FLYWCH2: variants seen among roughly 807,000 people sequenced by gnomAD.
FLYWCH2 encodes the protein FLYWCH family member 2.
In FLYWCH2, 2 loss-of-function variants were observed where a neutral mutation model predicts 6.0. The ratio of observed to expected loss-of-function variants is 0.33; its 90% CI spans 0.14 to 1.04. The LOEUF is 1.04. Among genes scored for constraint, FLYWCH2 ranks in the 50% least tolerant of loss-of-function variants. FLYWCH2 has a pLI of 0.45. For synonymous variants in FLYWCH2, 87 were observed against 79.3 expected (o/e 1.10, Z -0.52); for missense variants, 192 against 183.4 (o/e 1.05, Z -0.27).
At chr16:2,885,128 C>A (rs939128970) in intron 1 of FLYWCH2, among the ~76,000 whole-genome samples, 1 of 152,136 alleles carries the variant, frequency 6.6e-6, no homozygotes, top group Non-Finnish European at 1.5e-5. Context: ...CGAGACCATC[C>A]TGGCTAACAC....
At chr16:2,894,066 G>GCTTT (rs2069790437) in intron 1 of FLYWCH2, among the ~76,000 whole-genome samples, 3 of 152,076 alleles carry the variant, frequency 2.0e-5, no homozygotes, top group Non-Finnish European at 2.9e-5. Flanking sequence ...GTCATTGAAA[G>GCTTT]CAATGGCAAA....
chr16:2,889,545 C>T (rs1051125467), intron 1 of FLYWCH2, among the ~76,000 whole-genome samples: 13 of 70,274 alleles, frequency 1.8e-4, no homozygotes, highest in African/African-American at 4.5e-4. Flanking sequence ...CTAGGAAAGA[C>T]TATATTAAAA....
In FLYWCH2 at chr16:2,896,686, C is replaced by T. The variant is rs778234048; in HGVS notation, c.237C>T (p.Ala79=). Residue 79 remains alanine (A), a synonymous_variant, in exon 3 of 4, where the codon GCC becomes GCT. Coordinates refer to ENST00000396958, the MANE Select transcript of FLYWCH2 (RefSeq NM_138439.3). ...CCGGCCCCGCCACCCTTGCCAAGGC[C>T]CTCCTCCAGACCCACCCCGAGGCCC... ...GVPGPATLAK[A]LLQTHPEAQR... is the part of the protein sequence containing the mutation. The T allele has an allele frequency of 1.9e-6, 3 of 1,613,092 alleles. No homozygotes were observed. The South Asian group carries it at 3.3e-5, about 18-fold the overall frequency.
At chr16:2,896,941 C>T (rs556115170) in intron 3 of FLYWCH2, 170 bp downstream of exon 3, 20 of 668,104 alleles carry the variant, frequency 3.0e-5, no homozygotes, top group Middle Eastern at 4.2e-4. Context: ...CCTGGGCATC[C>T]GCCGACCTCC....
intron 1 of FLYWCH2, among the ~76,000 whole-genome samples, chr16:2,888,378 T>C (rs542394105): frequency 1.3e-5 from 2 of 150,932 alleles, no homozygotes; most frequent in African/African-American, 4.9e-5. Flanking sequence ...TATTTTGAGA[T>C]AGAGATGTGT....
chr16:2,895,511 AGGTTGAG>A (rs1268912521), intron 2 of FLYWCH2, among the ~76,000 whole-genome samples, 191 bp downstream of exon 2: 1 of 152,158 alleles, frequency 6.6e-6, no homozygotes, highest in Non-Finnish European at 1.5e-5. Context: ...CTACTCGGAG[AGGTTGAG>A]GCAGGAGAAT....
chr16:2,893,635 T>C (rs894243767), intron 1 of FLYWCH2, among the ~76,000 whole-genome samples: 3 of 40,204 alleles, frequency 7.5e-5, no homozygotes, highest in Non-Finnish European at 5.9e-5. Context: ...TCTTTTCTTC[T>C]TTTTTTTTTT....
At position 2,896,324 on chromosome 16, in the gene FLYWCH2, A is replaced by C. The variant is rs111441980; in HGVS notation, c.-98-28A>C. 5.2e-5 allele frequency: 66 copies of C among 1,260,710 alleles called. No homozygotes were observed. In the East Asian group the frequency reaches 1.2e-3, roughly 23 times the overall value. The allele number at this position is 1,260,710 out of a possible 1,614,324, so 78.1% of individuals were successfully genotyped here. ...CTAGAGCCTCCCAAGGGCTTCCACCACTGACGGGATTTTGCTTCCTTCCTT... is the reference window on the plus strand; with the variant it reads ...CTAGAGCCTCCCAAGGGCTTCCACCCCTGACGGGATTTTGCTTCCTTCCTT... On this transcript the variant is annotated intron_variant, in intron 2 of 3. Coordinates refer to ENST00000396958, the MANE Select transcript of FLYWCH2 (RefSeq NM_138439.3).
At chr16:2,896,870 G>T in intron 3 of FLYWCH2, 99 bp downstream of exon 3, 1 of 1,173,520 alleles carries the variant, frequency 8.5e-7, no homozygotes. Context: ...TGGCATGCGG[G>T]TCCTTGTTCC....
intron 1 of FLYWCH2, among the ~76,000 whole-genome samples, chr16:2,888,952 G>A (rs1015080571): frequency 6.6e-6 from 1 of 152,058 alleles, no homozygotes; most frequent in Non-Finnish European, 1.5e-5. Context: ...GGGACTAATT[G>A]TAGAAAAGAA....
At chr16:2,887,389 G>A (rs183801689) in intron 1 of FLYWCH2, among the ~76,000 whole-genome samples, 1 of 144,048 alleles carries the variant, frequency 6.9e-6, no homozygotes, top group African/African-American at 2.6e-5. Context: ...CTGAACTCCC[G>A]AGCTGAAGAG....
chr16:2,884,558 T>TAAAAA (rs1317315836), intron 1 of FLYWCH2, among the ~76,000 whole-genome samples: 499 of 39,238 alleles, frequency 0.013, 40 homozygotes, highest in South Asian at 0.073. Flanking sequence ...CCGTCTCTAC[T>TAAAAA]AAAAAAAAAA....
At chr16:2,898,527 G>C (rs2069847980) in intron 3 of FLYWCH2, among the ~76,000 whole-genome samples, 1 of 152,186 alleles carries the variant, frequency 6.6e-6, no homozygotes, top group Non-Finnish European at 1.5e-5. Context: ...CTCAGGATCT[G>C]TTACACCTGA....
chr16:2,884,899 C>A (rs188482507), intron 1 of FLYWCH2, among the ~76,000 whole-genome samples: 1 of 150,350 alleles, frequency 6.7e-6, no homozygotes, highest in Non-Finnish European at 1.5e-5. Context: ...AAAAAAAACT[C>A]CGGGTGATTC....
intron 1 of FLYWCH2, among the ~76,000 whole-genome samples, chr16:2,884,285 G>A (rs562771784): frequency 6.6e-6 from 1 of 152,206 alleles, no homozygotes; most frequent in South Asian, 2.1e-4. Flanking sequence ...GGACATTAGT[G>A]ATGTTTCTCC....
Position 2,895,483 on chromosome 16 carries a change from G to A in FLYWCH2, c.-99+163G>A, listed in dbSNP as rs1260656535. On this transcript the variant is annotated intron_variant, in intron 2 of 3. Coordinates refer to ENST00000396958, the MANE Select transcript of FLYWCH2 (RefSeq NM_138439.3). Reference sequence around the variant, plus strand: ...CAAAAAATTAGCCGGGCGTGGTGGCGGGCGCCTGTAGTCCCAGCTACTCGG... The same window carrying A: ...CAAAAAATTAGCCGGGCGTGGTGGCAGGCGCCTGTAGTCCCAGCTACTCGG... Among the ~76,000 whole-genome samples, 6 of 152,188 alleles carry A rather than the reference G, an allele frequency of 3.9e-5. No individual in the cohort carries two copies. The South Asian group carries it at 6.2e-4, about 16-fold the overall frequency.
chr16:2,896,247 C>A, intron 2 of FLYWCH2, 105 bp from the exon 3 acceptor site: 1 of 625,782 alleles, frequency 1.6e-6, no homozygotes, highest in Non-Finnish European at 2.7e-6. Context: ...GTCTTGGCCC[C>A]AGCGAGCAGT....
intron 1 of FLYWCH2, among the ~76,000 whole-genome samples, chr16:2,894,412 C>T (rs1464267192): frequency 1.3e-5 from 2 of 152,090 alleles, no homozygotes; most frequent in Admixed American, 6.5e-5. Flanking sequence ...GTGTGGGAGG[C>T]GTGGGGAGAT....
At chr16:2,893,387 T>G in intron 1 of FLYWCH2, among the ~76,000 whole-genome samples, 1 of 152,196 alleles carries the variant, frequency 6.6e-6, no homozygotes, top group Non-Finnish European at 1.5e-5. Context: ...TTTTGGAGAT[T>G]CCAGGAATTT....
Sources: allele counts gnomAD v4.1 joint callset (sites outside exome capture counted in the v4.1 genomes callset), GRCh38; gene constraint gnomAD v4.1.1; transcripts MANE v1.5; gene names NCBI Gene and HGNC (gene_info 2026-07-23, HGNC 2026-07-21).